Variants in CCDC171 observed in about 807,000 individuals in gnomAD.
The protein encoded by CCDC171 is coiled-coil domain-containing protein 171.
Under a neutral mutation model 168.2 loss-of-function variants are expected in CCDC171, and 177 were observed. The observed-to-expected ratio is 1.05, with a 90% CI of 0.93 to 1.19. CCDC171 has a LOEUF of 1.19. Among genes scored for constraint, CCDC171 ranks in the 50% most tolerant of loss-of-function variants. The pLI, the probability that CCDC171 is intolerant of heterozygous loss-of-function variation, is 0.00. For synonymous variants in CCDC171, 687 were observed against 540.8 expected (o/e 1.27, Z -3.75); for missense variants, 1,991 against 1,539.0 (o/e 1.29, Z -4.91).
rs560455010 is a variant in CCDC171, at chr9:15,826,958, G to A, written c.3268-19744G>A. Among the ~76,000 whole-genome samples the A allele has an allele frequency of 1.4e-4, 21 of 152,278 alleles. No individual in the cohort carries two copies. The East Asian group carries it at 1.5e-3, about 11-fold the overall frequency. ...ATCAAATTTATGAAAAGCTTTGTTT[G>A]ATCATTCACATTTAAGAATGAAGAA... is the stretch of plus-strand genomic sequence containing the variant. On this transcript the variant is annotated intron_variant, in intron 21 of 25. Transcript: ENST00000380701.
intron 3 of CCDC171, among the ~76,000 whole-genome samples, chr9:15,578,133 A>G (rs1165993299): frequency 6.6e-6 from 1 of 152,192 alleles, no homozygotes; most frequent in Non-Finnish European, 1.5e-5. Flanking sequence ...TATTGGTTCC[A>G]TTTAGGGAAT....
intron 8 of CCDC171, among the ~76,000 whole-genome samples, chr9:15,657,929 G>A (rs1482277008): frequency 6.6e-6 from 1 of 152,142 alleles, no homozygotes; most frequent in Non-Finnish European, 1.5e-5. Flanking sequence ...ACTGCCCATG[G>A]GCCAAGTCTG....
intron 6 of CCDC171, among the ~76,000 whole-genome samples, chr9:15,614,538 TTG>T (rs2043945952): frequency 6.6e-6 from 1 of 152,228 alleles, no homozygotes; most frequent in African/African-American, 2.4e-5. Flanking sequence ...CAGATAATTT[TTG>T]CCAGCATTCT....
At chr9:16,009,652 C>G (rs561235689) in intron 3 of CCDC171, among the ~76,000 whole-genome samples, 1 of 152,188 alleles carries the variant, frequency 6.6e-6, no homozygotes, top group South Asian at 2.1e-4. Context: ...CATCAATAGT[C>G]AAATTGGTAG....
chr9:15,858,498 C>G (rs1465515243), intron 23 of CCDC171, among the ~76,000 whole-genome samples: 1 of 152,062 alleles, frequency 6.6e-6, no homozygotes, highest in Non-Finnish European at 1.5e-5. Context: ...ATCTGTAAAT[C>G]ACTTTGGGTA....
intron 24 of CCDC171, among the ~76,000 whole-genome samples, chr9:15,905,339 A>G (rs1822399824): frequency 6.6e-6 from 1 of 152,346 alleles, no homozygotes; most frequent in Non-Finnish European, 1.5e-5. Context: ...ACCACAGTGC[A>G]ATCAAACTAG....
intron 10 of CCDC171, among the ~76,000 whole-genome samples, chr9:15,691,931 C>T (rs1335251336): frequency 1.3e-5 from 2 of 152,126 alleles, no homozygotes; most frequent in Non-Finnish European, 2.9e-5. Flanking sequence ...GCCTTGGCCT[C>T]CCAAAGTGCT....
At chr9:15,657,248 C>T in intron 8 of CCDC171, 29 bp downstream of exon 8, 1 of 1,413,616 alleles carries the variant, frequency 7.1e-7, no homozygotes, top group South Asian at 1.2e-5. Flanking sequence ...TTTTGGCCTG[C>T]ATTTTCTTAA....
intron 24 of CCDC171, among the ~76,000 whole-genome samples, chr9:15,890,876 G>A (rs1028721346): frequency 6.6e-6 from 1 of 152,034 alleles, no homozygotes; most frequent in African/African-American, 2.4e-5. Context: ...TGATAACCCT[G>A]GCTGAAGCAT....
At chr9:15,883,531 C>A (rs1818994697) in intron 24 of CCDC171, among the ~76,000 whole-genome samples, 1 of 152,150 alleles carries the variant, frequency 6.6e-6, no homozygotes, top group Non-Finnish European at 1.5e-5. Context: ...TTACATCTTG[C>A]ATCCTGGGTT....
chr9:15,784,513 T>A lies in CCDC171; in HGVS notation c.3086T>A (p.Leu1029Ter). The change falls in exon 21 of 26, where the codon TTG (leucine) becomes TAG (stop). Residue 1029 changes from leucine (L) to a stop codon, truncating the protein, a stop_gained. Transcript: ENST00000380701. LOFTEE classifies it high-confidence loss of function. ...MQLNEFKQSK[L>*]ITHEKFESAC... Reference sequence around the variant, plus strand: ...CCCCTCTCCTCCTTTTTACAGAAATTGATCACCCATGAGAAGTTTGAAAGT... The same window carrying A: ...CCCCTCTCCTCCTTTTTACAGAAATAGATCACCCATGAGAAGTTTGAAAGT... 1 of 1,608,024 alleles carries A rather than the reference T, an allele frequency of 6.2e-7. No homozygotes were observed. Among genetic ancestry groups the A allele is most frequent in the Non-Finnish European group, 8.5e-7 (1 of 1,176,150 alleles).
chr9:15,605,999 T>C (rs1409521156), intron 6 of CCDC171, among the ~76,000 whole-genome samples: 1 of 152,196 alleles, frequency 6.6e-6, no homozygotes, highest in Non-Finnish European at 1.5e-5. Context: ...TGCTGTGTTT[T>C]TTTCTATACA....
intron 24 of CCDC171, among the ~76,000 whole-genome samples, chr9:15,907,049 A>G (rs1175928823): frequency 6.6e-6 from 1 of 152,230 alleles, no homozygotes; most frequent in Non-Finnish European, 1.5e-5. Flanking sequence ...CATGGGTAGG[A>G]AGAATCAATA....
At chr9:16,095,867 C>CATATATATATATATATATATATAT in the CCDC171 span, among the ~76,000 whole-genome samples, 1 of 52,780 alleles carries the variant, frequency 1.9e-5, no homozygotes, top group Non-Finnish European at 4.0e-5. Context: ...CACACATAGG[C>CATATATATATATATATATATATAT]ACATATATAT....
chr9:16,065,479 T>C (rs548548530), downstream of CCDC171, among the ~76,000 whole-genome samples: 4 of 152,136 alleles, frequency 2.6e-5, no homozygotes, highest in Admixed American at 1.3e-4. Flanking sequence ...CCCTGAAGGA[T>C]GAGGAACCTG....
At chr9:15,778,578 G>T (rs2057471390) in intron 19 of CCDC171, among the ~76,000 whole-genome samples, 1 of 144,180 alleles carries the variant, frequency 6.9e-6, no homozygotes, top group South Asian at 2.3e-4. Flanking sequence ...CTCGGGAGGT[G>T]GAGGTTGTAG....
At chr9:15,629,175 G>A (rs1277189297) in intron 7 of CCDC171, among the ~76,000 whole-genome samples, 3 of 152,182 alleles carry the variant, frequency 2.0e-5, no homozygotes, top group African/African-American at 7.2e-5. Context: ...AACAAAGCTG[G>A]ATGGAGAATG....
At chr9:15,786,778 C>G (rs2057980482) in intron 21 of CCDC171, among the ~76,000 whole-genome samples, 2 of 152,134 alleles carry the variant, frequency 1.3e-5, no homozygotes, top group African/African-American at 4.8e-5. Context: ...CTGCCCTATC[C>G]TAACTGATCA....
At chr9:15,576,521 C>T (rs1484939450) in intron 3 of CCDC171, among the ~76,000 whole-genome samples, 3 of 151,982 alleles carry the variant, frequency 2.0e-5, no homozygotes, top group African/African-American at 7.3e-5. Context: ...ACTTTGTGCC[C>T]TTGAAGAGGA....
Sources: gnomAD v4.1 joint callset for allele counts (sites outside exome capture counted in the v4.1 genomes callset) on GRCh38, gnomAD v4.1.1 for gene constraint, MANE v1.5 for transcripts, NCBI Gene and HGNC (gene_info 2026-07-23, HGNC 2026-07-21) for gene names.